GRIN2A: variants seen among roughly 807,000 people sequenced by gnomAD.
GRIN2A encodes glutamate receptor ionotropic, NMDA 2A.
Under a neutral mutation model 113.4 loss-of-function variants are expected in GRIN2A, and 22 were observed. The ratio of observed to expected loss-of-function variants is 0.19; its 90% confidence interval spans 0.14 to 0.28. GRIN2A has a LOEUF of 0.28. GRIN2A is among the 10% of genes least tolerant of loss of function. GRIN2A has a pLI of 1.00. For missense variants in GRIN2A, 1,502 were observed against 1,887.0 expected (o/e 0.80, Z 3.78); for synonymous variants, 827 against 738.4 (o/e 1.12, Z -1.94).
intron 11 of GRIN2A, among the ~76,000 whole-genome samples, chr16:9,783,981 TAGG>T (rs1213363457): frequency 2.6e-5 from 4 of 151,662 alleles, no homozygotes; most frequent in Non-Finnish European, 5.9e-5. Context: ...GGGTGGAGGA[TAGG>T]AGGAGGGAGA....
rs1900526866 is a variant in GRIN2A at position 9,760,361 on chromosome 16, T to A, written c.*2788A>T. The A allele has an allele frequency of 3.0e-5, 6 of 199,944 alleles. No homozygotes were observed. The highest frequency in any genetic ancestry group is 6.0e-5 in the Non-Finnish European group (6 of 100,398). The allele number at this position is 199,944 out of a possible 1,614,324, so 12.4% of individuals were successfully genotyped here. On this transcript the variant is annotated 3_prime_UTR_variant, in exon 13 of 13. Coordinates refer to ENST00000330684, the MANE Select transcript of GRIN2A (RefSeq NM_001134407.3). Reference sequence around the variant, plus strand: ...ATCTTTTCCTTAGAAATTGACCATCTGATCAGTAGTTGATTTTTTTTTTTT... The same window carrying A: ...ATCTTTTCCTTAGAAATTGACCATCAGATCAGTAGTTGATTTTTTTTTTTT...
rs560534945 is a variant in GRIN2A at position 9,963,050 on chromosome 16, T to A, written c.415-24499A>T. On this transcript the variant is annotated intron_variant, in intron 2 of 12. Transcript: ENST00000330684. ...AAAACCAAACACCACATGTTCTCAC[T>A]CATAGGTGGGAACTGAACAATGAGA... is the stretch of plus-strand genomic sequence containing the variant. Among the ~76,000 whole-genome samples, 94 of 143,318 alleles carry A rather than the reference T, an allele frequency of 6.6e-4. 2 individuals carry two copies. Among genetic ancestry groups the A allele is most frequent in the African/African-American group, 2.4e-3 (91 of 38,490 alleles). 94.0% of individuals were successfully genotyped at this position (143,318 alleles called of 152,430 possible). A position where few individuals can be genotyped will look rare whatever the true frequency, so the allele number is the denominator to read the frequency against.
intron 3 of GRIN2A, among the ~76,000 whole-genome samples, chr16:9,900,808 C>T (rs1463806523): frequency 6.6e-6 from 1 of 152,180 alleles, no homozygotes; most frequent in African/African-American, 2.4e-5. Context: ...GATCACCTAA[C>T]CACTTTGAAC....
chr16:9,981,528 C>T (rs947393808), intron 2 of GRIN2A, among the ~76,000 whole-genome samples: 2 of 152,144 alleles, frequency 1.3e-5, no homozygotes, highest in African/African-American at 4.8e-5. Context: ...GTTCTCCTTC[C>T]AATGCATTAT....
intron 2 of GRIN2A, among the ~76,000 whole-genome samples, chr16:10,041,253 G>A (rs1007041583): frequency 1.1e-4 from 17 of 152,244 alleles, no homozygotes; most frequent in African/African-American, 3.9e-4. Flanking sequence ...AAGGTATAAC[G>A]CAGAGTAGGA....
At chr16:10,075,475 C>G (rs1320483941) in intron 2 of GRIN2A, among the ~76,000 whole-genome samples, 1 of 152,030 alleles carries the variant, frequency 6.6e-6, no homozygotes, top group South Asian at 2.1e-4. Context: ...CAAGTAAGTA[C>G]AGAGACTCGA....
chr16:10,093,541 ATCGATCAGCT>A (rs1307693022), intron 2 of GRIN2A, among the ~76,000 whole-genome samples: 1 of 152,186 alleles, frequency 6.6e-6, no homozygotes, highest in Non-Finnish European at 1.5e-5. Flanking sequence ...GTCAGGTGGC[ATCGATCAGCT>A]TTAATCAGCC....
At chr16:9,868,076 T>A (rs1338397976) in intron 4 of GRIN2A, among the ~76,000 whole-genome samples, 1 of 152,168 alleles carries the variant, frequency 6.6e-6, no homozygotes. Context: ...CCCCCATATA[T>A]ATTAAATCAA....
intron 2 of GRIN2A, among the ~76,000 whole-genome samples, chr16:9,985,897 T>A (rs1310101172): frequency 1.3e-5 from 2 of 152,216 alleles, no homozygotes; most frequent in Non-Finnish European, 2.9e-5. Flanking sequence ...ATACCCCATC[T>A]ACTCTGATGT....
At chr16:9,903,115 C>G (rs918425069) in intron 3 of GRIN2A, among the ~76,000 whole-genome samples, 6 of 151,744 alleles carry the variant, frequency 4.0e-5, no homozygotes, top group African/African-American at 1.5e-4. Flanking sequence ...ACTACAATCG[C>G]GTGCCACCAT....
intron 4 of GRIN2A, among the ~76,000 whole-genome samples, chr16:9,876,171 G>A (rs2043361846): frequency 1.3e-5 from 2 of 152,054 alleles, no homozygotes; most frequent in Admixed American, 1.3e-4. Context: ...CAAGGCTCAG[G>A]GCATAAAATC....
At chr16:9,998,506 T>C (rs72774046) in intron 2 of GRIN2A, among the ~76,000 whole-genome samples, 14,498 of 152,244 alleles carry the variant, frequency 0.095, 799 homozygotes, top group African/African-American at 0.11. Flanking sequence ...GTACTTAATG[T>C]CACTGAATTG....
intron 2 of GRIN2A, among the ~76,000 whole-genome samples, chr16:10,063,013 G>C (rs1182052539): frequency 2.0e-5 from 3 of 152,040 alleles, no homozygotes; most frequent in African/African-American, 7.3e-5. Flanking sequence ...AGAAAATTTG[G>C]CACATATATA....
chr16:10,084,506 C>T (rs181792126), intron 2 of GRIN2A, among the ~76,000 whole-genome samples: 19 of 152,224 alleles, frequency 1.2e-4, no homozygotes, highest in Admixed American at 2.0e-4. Flanking sequence ...TGTTCATAGG[C>T]GGCAAGAAAA....
At chr16:9,879,831 C>A (rs2043442095) in intron 4 of GRIN2A, among the ~76,000 whole-genome samples, 1 of 152,154 alleles carries the variant, frequency 6.6e-6, no homozygotes, top group East Asian at 1.9e-4. Flanking sequence ...AAATGTTAAA[C>A]AAATGTGAGT....
chr16:9,966,916 G>C (rs1267436751), intron 2 of GRIN2A, among the ~76,000 whole-genome samples: 2 of 152,194 alleles, frequency 1.3e-5, no homozygotes, highest in African/African-American at 4.8e-5. Context: ...GAGAACCACA[G>C]CACAAAGGTT....
At chr16:9,968,233 G>A (rs916253930) in intron 2 of GRIN2A, among the ~76,000 whole-genome samples, 1 of 151,936 alleles carries the variant, frequency 6.6e-6, no homozygotes, top group African/African-American at 2.4e-5. Flanking sequence ...TCTCTCCCCT[G>A]CATCTATCAT....
chr16:10,088,304 A>C (rs2048119557), intron 2 of GRIN2A, among the ~76,000 whole-genome samples: 1 of 152,136 alleles, frequency 6.6e-6, no homozygotes, highest in East Asian at 1.9e-4. Context: ...TGTCATGTCA[A>C]CTGTCACTGA....
chr16:9,980,892 G>T (rs897427339), intron 2 of GRIN2A, among the ~76,000 whole-genome samples: 1 of 151,590 alleles, frequency 6.6e-6, no homozygotes, highest in Admixed American at 6.6e-5. Flanking sequence ...AATGCTAAAT[G>T]ATGAGTTAAT....
Sources: gnomAD v4.1 joint callset for allele counts (sites outside exome capture counted in the v4.1 genomes callset) on GRCh38, gnomAD v4.1.1 for gene constraint, MANE v1.5 for transcripts, NCBI Gene and HGNC (gene_info 2026-07-23, HGNC 2026-07-21) for gene names.